The following ANKRD11 variants were observed in gnomAD, a reference collection of about 807,000 sequenced individuals.
ANKRD11 encodes the protein ankyrin repeat domain 11.
ANKRD11 carries 17 observed loss-of-function variants against 195.7 expected under a neutral mutation model. That is an observed-to-expected ratio of 0.09 (90% CI 0.06 to 0.13). The LOEUF (loss-of-function observed/expected upper bound fraction) is 0.13, where lower values mean the gene tolerates loss of function less well. Ranked by LOEUF, ANKRD11 falls within the 10% of genes least tolerant of loss-of-function variation. ANKRD11 has a pLI of 1.00. For synonymous variants in ANKRD11, 1,953 were observed against 1,528.1 expected (o/e 1.28, Z -6.49); for missense variants, 3,735 against 3,566.1 (o/e 1.05, Z -1.21).
At chr16:89,363,952 T>A (rs889599807) in intron 2 of ANKRD11, among the ~76,000 whole-genome samples, 1 of 151,932 alleles carries the variant, frequency 6.6e-6, no homozygotes, top group African/African-American at 2.4e-5. Flanking sequence ...TCCCAGCAAC[T>A]CAGGAGCCTG....
chr16:89,374,349 T>A (rs748940), intron 2 of ANKRD11, among the ~76,000 whole-genome samples: 82,738 of 150,542 alleles, frequency 0.55, 22,792 homozygotes, highest in Middle Eastern at 0.71. Context: ...AAAAAAATAA[T>A]AATAATAATA....
At chr16:89,444,458 C>A (rs1366099385) in intron 1 of ANKRD11, among the ~76,000 whole-genome samples, 1 of 134,786 alleles carries the variant, frequency 7.4e-6, no homozygotes, top group Non-Finnish European at 1.6e-5. Flanking sequence ...ACGGGGCGGT[C>A]GGGGGGGTGG....
intron 2 of ANKRD11, among the ~76,000 whole-genome samples, chr16:89,393,639 G>A (rs928528720): frequency 9.2e-5 from 14 of 152,010 alleles, no homozygotes; most frequent in African/African-American, 3.4e-4. Flanking sequence ...ACTGCGCCCG[G>A]CCTAGTTTCC....
At chr16:89,482,954 G>A (rs1166229183) in intron 1 of ANKRD11, among the ~76,000 whole-genome samples, 1 of 152,188 alleles carries the variant, frequency 6.6e-6, no homozygotes, top group African/African-American at 2.4e-5. Context: ...TACCTACCCA[G>A]ATTTTAGCCC....
chr16:89,387,757 C>T (rs1275594930), intron 2 of ANKRD11, among the ~76,000 whole-genome samples: 4 of 149,374 alleles, frequency 2.7e-5, no homozygotes, highest in Non-Finnish European at 5.9e-5. Context: ...AATCCCAACA[C>T]TTTGGGAGGC....
At chr16:89,404,839 C>T (rs2152181613) in intron 2 of ANKRD11, among the ~76,000 whole-genome samples, 1 of 152,344 alleles carries the variant, frequency 6.6e-6, no homozygotes, top group East Asian at 1.9e-4. Flanking sequence ...GCTGAATGTA[C>T]TACACAATAA....
In ANKRD11 at chr16:89,410,251, A is replaced by C. The variant is rs894227082; in HGVS notation, c.-60+8033T>G. ...GGTACGGCCCTTTGAGTGTCACCTA[A>C]AGCCTCATAACATCATCACCAAGCC... On this transcript the variant is annotated intron_variant, in intron 2 of 12. Transcript: ENST00000301030. 9.2e-5 allele frequency among the ~76,000 whole-genome samples: 14 copies of C among 152,122 alleles called. 1 individual carries two copies. The highest frequency in any genetic ancestry group is 3.9e-4 in the Admixed American group (6 of 15,266).
chr16:89,357,233 C>T (rs1037439516), intron 2 of ANKRD11, among the ~76,000 whole-genome samples: 3 of 152,092 alleles, frequency 2.0e-5, no homozygotes, highest in Non-Finnish European at 4.4e-5. Context: ...CTTCAACACA[C>T]CCAGGATTCA....
In ANKRD11 at chr16:89,465,872, G is replaced by A. The variant is rs1259808721; in HGVS notation, c.-145+24373C>T. The stretch of plus-strand genomic sequence containing the variant: ...ACTGCAGGCGCCCGCCACCATGCCC[G>A]GCTAATTTTTTGTATTTTTAGTAGA... On this transcript the variant is annotated intron_variant, in intron 1 of 12. Coordinates refer to ENST00000301030, the MANE Select transcript of ANKRD11 (RefSeq NM_013275.6). Among the ~76,000 whole-genome samples the A allele has an allele frequency of 2.6e-5, 4 of 152,056 alleles. No individual in the cohort carries two copies. The East Asian group carries it at 5.8e-4, about 22-fold the overall frequency.
chr16:89,351,340 G>A (rs181308796), intron 2 of ANKRD11, among the ~76,000 whole-genome samples: 1 of 152,290 alleles, frequency 6.6e-6, no homozygotes, highest in East Asian at 1.9e-4. Flanking sequence ...TGGCCCTAGG[G>A]AAGGAAGACC....
chr16:89,465,182 AAGGT>A (rs1486619680), intron 1 of ANKRD11, among the ~76,000 whole-genome samples: 2 of 152,356 alleles, frequency 1.3e-5, no homozygotes, highest in Admixed American at 6.5e-5. Flanking sequence ...ATGCGGCCAC[AAGGT>A]CTAACTGGCC....
chr16:89,327,081 T>TGGAAATGCAGAGGGG (rs2037774562), intron 2 of ANKRD11, among the ~76,000 whole-genome samples: 2 of 142,190 alleles, frequency 1.4e-5, no homozygotes, highest in Non-Finnish European at 3.1e-5. Flanking sequence ...ATGCAGAGGT[T>TGGAAATGCAGAGGGG]GGAAATGCAG....
chr16:89,432,580 T>G (rs973212490), intron 1 of ANKRD11, among the ~76,000 whole-genome samples: 5 of 152,200 alleles, frequency 3.3e-5, no homozygotes, highest in African/African-American at 1.2e-4. Context: ...GCTCAGGTCT[T>G]GACTTTCTTC....
chr16:89,359,642 C>T (rs1184392132), intron 2 of ANKRD11, among the ~76,000 whole-genome samples: 1 of 152,158 alleles, frequency 6.6e-6, no homozygotes, highest in South Asian at 2.1e-4. Context: ...TCTTTTACCA[C>T]GAAGGTAGCC....
At chr16:89,481,241 C>T (rs186350808) in intron 1 of ANKRD11, among the ~76,000 whole-genome samples, 1 of 152,278 alleles carries the variant, frequency 6.6e-6, no homozygotes, top group Admixed American at 6.5e-5. Flanking sequence ...GAGTCCCCTT[C>T]CCTATTTCAA....
chr16:89,413,719 G>A (rs894407828), intron 2 of ANKRD11, among the ~76,000 whole-genome samples: 33 of 152,264 alleles, frequency 2.2e-4, no homozygotes, highest in Admixed American at 2.0e-4. Flanking sequence ...GTCAGCAGCC[G>A]CCAGGAACCC....
Position 89,270,806 on chromosome 16 carries a change from G to GC in ANKRD11, c.7806+10dup. 2.5e-6 allele frequency: 4 copies of GC among 1,612,516 alleles called. No individual in the cohort carries two copies. Among genetic ancestry groups the GC allele is most frequent in the Non-Finnish European group, 3.4e-6 (4 of 1,179,680 alleles). On this transcript the variant is annotated intron_variant, in intron 12 of 12. Coordinates refer to ENST00000301030, the MANE Select transcript of ANKRD11 (RefSeq NM_013275.6). The stretch of plus-strand genomic sequence containing the variant: ...CCCCCAGGCAGAACTGAGGGGACGC[G>GC]CAACACCGACCTTCATGCGGTCATA...
In ANKRD11 at chr16:89,388,012, C is replaced by CAA. The variant is rs753200517; in HGVS notation, c.-60+30270_-60+30271dup. Among the ~76,000 whole-genome samples, 240 of 94,046 alleles carry CAA rather than the reference C, an allele frequency of 2.6e-3. 2 individuals carry two copies. The highest frequency in any genetic ancestry group is 4.3e-3 in the Admixed American group (38 of 8,896). 61.7% of individuals were successfully genotyped at this position (94,046 alleles called of 152,430 possible). ...TGGGCAACAGAGCAAGACTCCATCT[C>CAA]AAAAAAAAAAAAAAAGGACTGTGCT... On this transcript the variant is annotated intron_variant, in intron 2 of 12. Transcript: ENST00000301030.
intron 2 of ANKRD11, among the ~76,000 whole-genome samples, chr16:89,356,563 A>G (rs963951361): frequency 4.6e-5 from 7 of 151,298 alleles, no homozygotes; most frequent in African/African-American, 1.5e-4. Flanking sequence ...CGAGGTCAGG[A>G]GATCGAGACC....
Sources: gnomAD v4.1 joint callset for allele counts (sites outside exome capture counted in the v4.1 genomes callset) on GRCh38, gnomAD v4.1.1 for gene constraint, MANE v1.5 for transcripts, NCBI Gene and HGNC (gene_info 2026-07-23, HGNC 2026-07-21) for gene names.